The following AIDA variants were observed in gnomAD, a reference collection of about 807,000 sequenced individuals.
The protein encoded by AIDA is axin interactor, dorsalization associated.
Under a neutral mutation model 42.7 loss-of-function variants are expected in AIDA, and 18 were observed. The ratio of observed to expected loss-of-function variants is 0.42; its 90% confidence interval spans 0.29 to 0.63. AIDA has a LOEUF of 0.63. Among genes scored for constraint, AIDA ranks in the 20% least tolerant of loss-of-function variants. AIDA has a pLI of 0.19. For synonymous variants in AIDA, 104 were observed against 122.9 expected (o/e 0.85, Z 1.02); for missense variants, 250 against 354.1 (o/e 0.71, Z 2.36).
intron 4 of AIDA, among the ~76,000 whole-genome samples, chr1:222,690,715 T>C (rs1483553659): frequency 2.0e-5 from 3 of 151,222 alleles, no homozygotes; most frequent in Non-Finnish European, 4.4e-5. Context: ...TTCATACATA[T>C]AATCTATACC....
chr1:222,703,276 G>C lies in AIDA; in HGVS notation c.111-59C>G, dbSNP rs1271659051. ...GAAAAGCAAACTACTGCAACAAAGT[G>C]TAACAATTTAAAGCTTTTTAACATG... On this transcript the variant is annotated intron_variant, in intron 1 of 9. Coordinates refer to ENST00000340020, the MANE Select transcript of AIDA (RefSeq NM_022831.4). 3.8e-6 allele frequency: 5 copies of C among 1,304,696 alleles called. No homozygotes were observed. In the African/African-American group the frequency reaches 4.5e-5, roughly 12 times the overall value. The allele number at this position is 1,304,696 out of a possible 1,614,324, so 80.8% of individuals were successfully genotyped here. A position where few individuals can be genotyped will look rare whatever the true frequency, so the allele number is the denominator to read the frequency against.
intron 7 of AIDA, among the ~76,000 whole-genome samples, chr1:222,674,980 T>A (rs901463872): frequency 1.3e-5 from 2 of 152,194 alleles, no homozygotes; most frequent in African/African-American, 4.8e-5. Flanking sequence ...TATCAAACTA[T>A]AATGTAGAGT....
chr1:222,690,388 T>C (rs1655339147), intron 4 of AIDA, among the ~76,000 whole-genome samples: 1 of 152,224 alleles, frequency 6.6e-6, no homozygotes, highest in Admixed American at 6.5e-5. Context: ...TAGCTACCTC[T>C]GAAGGGTATG....
chr1:222,682,375 T>C (rs917483534), intron 6 of AIDA, among the ~76,000 whole-genome samples: 1 of 152,198 alleles, frequency 6.6e-6, no homozygotes, highest in African/African-American at 2.4e-5. Flanking sequence ...AATTTGCTTA[T>C]TAAGTTTATT....
chr1:222,705,176 A>G (rs775685145), intron 1 of AIDA, among the ~76,000 whole-genome samples: 8 of 152,176 alleles, frequency 5.3e-5, no homozygotes, highest in Admixed American at 1.3e-4. Flanking sequence ...GCTTCTATTC[A>G]TTTATTTCTT....
chr1:222,689,855 C>G (rs1390290041), intron 4 of AIDA, among the ~76,000 whole-genome samples: 1 of 151,970 alleles, frequency 6.6e-6, no homozygotes, highest in Non-Finnish European at 1.5e-5. Context: ...CCACTTATCA[C>G]TCACTCACTG....
At chr1:222,683,434 T>C (rs1262086843) in intron 6 of AIDA, among the ~76,000 whole-genome samples, 3 of 152,254 alleles carry the variant, frequency 2.0e-5, no homozygotes, top group Admixed American at 6.5e-5. Flanking sequence ...TGAATAGTTA[T>C]GCAGCAGAAA....
chr1:222,710,599 G>A (rs982634768), intron 1 of AIDA, among the ~76,000 whole-genome samples: 2 of 152,150 alleles, frequency 1.3e-5, no homozygotes, highest in African/African-American at 4.8e-5. Context: ...TTACTAATTG[G>A]CTACAGTATG....
intron 6 of AIDA, among the ~76,000 whole-genome samples, chr1:222,679,579 A>AT (rs747389117): frequency 5.9e-5 from 9 of 152,224 alleles, no homozygotes; most frequent in Non-Finnish European, 1.3e-4. Flanking sequence ...CAACAACCCT[A>AT]TAACACAGGT....
chr1:222,670,080 A>C, intron 9 of AIDA, 53 bp downstream of exon 9: 1 of 1,607,036 alleles, frequency 6.2e-7, no homozygotes, highest in East Asian at 2.2e-5. Flanking sequence ...TTCAGAAGAA[A>C]GATATACTAG....
At chr1:222,707,915 C>T (rs1655886922) in intron 1 of AIDA, among the ~76,000 whole-genome samples, 1 of 152,224 alleles carries the variant, frequency 6.6e-6, no homozygotes, top group Admixed American at 6.5e-5. Flanking sequence ...CACATGCTCT[C>T]AATTTCTTTC....
intron 6 of AIDA, among the ~76,000 whole-genome samples, chr1:222,680,032 A>G (rs1664626510): frequency 6.6e-6 from 1 of 152,354 alleles, no homozygotes; most frequent in South Asian, 2.1e-4. Flanking sequence ...AGTGATTTCT[A>G]TCAATGCACT....
At chr1:222,676,879 C>A (rs1409669632) in intron 6 of AIDA, among the ~76,000 whole-genome samples, 1 of 149,984 alleles carries the variant, frequency 6.7e-6, no homozygotes, top group Non-Finnish European at 1.5e-5. Context: ...ATTTTACAGT[C>A]TAATTTCCCA....
At chr1:222,687,551 G>A in intron 5 of AIDA, 44 bp downstream of exon 5, 2 of 1,419,974 alleles carry the variant, frequency 1.4e-6, no homozygotes, top group Non-Finnish European at 1.9e-6. Flanking sequence ...CTGAAAGAGA[G>A]GTATAAAATA....
chr1:222,680,802 A>C (rs932281989), intron 6 of AIDA, among the ~76,000 whole-genome samples: 1 of 152,222 alleles, frequency 6.6e-6, no homozygotes, highest in Non-Finnish European at 1.5e-5. Context: ...TCACTTAAAA[A>C]AGGCTCAAAA....
At chr1:222,701,025 T>C (rs2124967003) in intron 2 of AIDA, among the ~76,000 whole-genome samples, 1 of 143,846 alleles carries the variant, frequency 7.0e-6, no homozygotes, top group East Asian at 2.0e-4. Flanking sequence ...TGCAGTGGCA[T>C]GATCTCAGCT....
intron 6 of AIDA, among the ~76,000 whole-genome samples, chr1:222,681,988 T>C (rs1012950406): frequency 6.6e-5 from 10 of 152,188 alleles, no homozygotes; most frequent in African/African-American, 2.4e-4. Flanking sequence ...TCACATTGAC[T>C]AGTTCTGTGT....
chr1:222,686,988 A>T lies in AIDA; in HGVS notation c.402T>A (p.Asp134Glu). 1.2e-6 allele frequency: 2 copies of T among 1,613,842 alleles called. No individual in the cohort carries two copies. Among genetic ancestry groups the T allele is most frequent in the Non-Finnish European group, 1.7e-6 (2 of 1,179,954 alleles). ...GEEENLEFEE[D>E]EEEGGAGAGS... ...CTGCTCCAGCACCACCCTCTTCTTCATCTTCTTCAAATTCCAAATTCTCTT... is the reference window on the plus strand; with the variant it reads ...CTGCTCCAGCACCACCCTCTTCTTCTTCTTCTTCAAATTCCAAATTCTCTT... The change falls in exon 6 of 10, where the codon GAT becomes GAA. Residue 134 changes from aspartate to glutamate, a missense_variant. Coordinates refer to ENST00000340020, the MANE Select transcript of AIDA (RefSeq NM_022831.4).
In AIDA at chr1:222,712,258, G is replaced by C; in HGVS notation, c.60C>G (p.Ala20=). 3 of 1,596,654 alleles carry C rather than the reference G, an allele frequency of 1.9e-6. No homozygotes were observed. Among genetic ancestry groups the C allele is most frequent in the Non-Finnish European group, 2.6e-6 (3 of 1,171,722 alleles). Residue 20 remains alanine, a synonymous_variant, in exon 1 of 10, where the codon GCC becomes GCG. Coordinates refer to ENST00000340020, the MANE Select transcript of AIDA (RefSeq NM_022831.4). ...QRWGASFRRG[A]DFDSWGQLVE... ...CCAGCTGGCCCCAAGAGTCGAAGTC[G>C]GCGCCTCTCCTAAAACTGGCGCCCC...
Sources: allele counts gnomAD v4.1 joint callset (sites outside exome capture counted in the v4.1 genomes callset), GRCh38; gene constraint gnomAD v4.1.1; transcripts MANE v1.5; gene names NCBI Gene and HGNC (gene_info 2026-07-23, HGNC 2026-07-21).